PLCXD3: variants seen among roughly 807,000 people sequenced by gnomAD.
PLCXD3 encodes the protein phosphatidylinositol specific phospholipase C X domain containing 3, also known as PI-PLC X domain-containing protein 3.
In PLCXD3, 19 loss-of-function variants were observed where a neutral mutation model predicts 25.5. That is an observed-to-expected ratio of 0.75 (90% CI 0.52 to 1.09). PLCXD3 has a LOEUF of 1.09. Ranked by LOEUF, PLCXD3 falls within the 50% of genes least tolerant of loss-of-function variation. PLCXD3 has a pLI of 0.00. For synonymous variants in PLCXD3, 174 were observed against 137.6 expected (o/e 1.26, Z -1.85); for missense variants, 411 against 388.1 (o/e 1.06, Z -0.50).
intron 1 of PLCXD3, among the ~76,000 whole-genome samples, chr5:41,394,735 T>C (rs984608318): frequency 7.9e-5 from 12 of 152,184 alleles, no homozygotes; most frequent in Non-Finnish European, 1.3e-4. Flanking sequence ...CACTATATAA[T>C]GATAAAAGTA....
intron 1 of PLCXD3, among the ~76,000 whole-genome samples, chr5:41,479,855 T>C (rs1220654069): frequency 6.6e-6 from 1 of 152,206 alleles, no homozygotes; most frequent in Non-Finnish European, 1.5e-5. Flanking sequence ...ATAGGTTCAT[T>C]ACATATAAGT....
rs146230840 is a variant in PLCXD3, at chr5:41,429,628, G to T, written c.104-47094C>A. ...TATTAATATGATTTCAAATAAAAAG[G>T]CACAGTTGGTTTATTGGAAATGGAT... On this transcript the variant is annotated intron_variant, in intron 1 of 2. Coordinates refer to ENST00000377801, the MANE Select transcript of PLCXD3 (RefSeq NM_001005473.3). Among the ~76,000 whole-genome samples, 296 of 152,186 alleles carry T rather than the reference G, an allele frequency of 1.9e-3. 3 individuals are homozygous for T. The highest frequency in any genetic ancestry group is 0.014 in the East Asian group (70 of 5,168).
At chr5:41,381,318 A>G (rs319012) in intron 2 of PLCXD3, among the ~76,000 whole-genome samples, 27,134 of 152,094 alleles carry the variant, frequency 0.18, 3,437 homozygotes, top group African/African-American at 0.36. Flanking sequence ...TGGTCCACAA[A>G]AATACACGTT....
At chr5:41,354,040 T>C (rs543529925) in intron 2 of PLCXD3, among the ~76,000 whole-genome samples, 5 of 152,346 alleles carry the variant, frequency 3.3e-5, no homozygotes, top group Non-Finnish European at 7.3e-5. Context: ...TTCTATTTTC[T>C]TCCAACTTTT....
chr5:41,498,611 C>T (rs1346908082), intron 1 of PLCXD3, among the ~76,000 whole-genome samples: 4 of 151,650 alleles, frequency 2.6e-5, no homozygotes, highest in African/African-American at 9.7e-5. Context: ...TCACACTCTT[C>T]CAAAAAAACT....
chr5:41,421,911 T>C (rs1386705339), intron 1 of PLCXD3, among the ~76,000 whole-genome samples: 1 of 152,182 alleles, frequency 6.6e-6, no homozygotes, highest in Non-Finnish European at 1.5e-5. Context: ...ACAAGCATTA[T>C]GTAACAACAT....
intron 2 of PLCXD3, among the ~76,000 whole-genome samples, chr5:41,368,230 T>C (rs1744992917): frequency 6.6e-6 from 1 of 152,202 alleles, no homozygotes; most frequent in Non-Finnish European, 1.5e-5. Flanking sequence ...CAATTATGAA[T>C]GGTAGTTCAT....
intron 1 of PLCXD3, among the ~76,000 whole-genome samples, chr5:41,503,956 G>A (rs1351986838): frequency 1.3e-5 from 2 of 150,906 alleles, no homozygotes; most frequent in African/African-American, 4.9e-5. Context: ...TTAAGCAACA[G>A]GAATTAAAAT....
intron 2 of PLCXD3, among the ~76,000 whole-genome samples, chr5:41,326,580 T>C (rs1344074166): frequency 6.6e-6 from 1 of 152,178 alleles, no homozygotes; most frequent in African/African-American, 2.4e-5. Context: ...TGCAGTTTCA[T>C]GCTTATGTAT....
chr5:41,335,665 C>T (rs1474503437), intron 2 of PLCXD3, among the ~76,000 whole-genome samples: 1 of 152,096 alleles, frequency 6.6e-6, no homozygotes, highest in Non-Finnish European at 1.5e-5. Flanking sequence ...TGCTGGTCTC[C>T]ATGGCATTCA....
At chr5:41,465,519 C>T (rs1398065993) in intron 1 of PLCXD3, among the ~76,000 whole-genome samples, 1 of 151,688 alleles carries the variant, frequency 6.6e-6, no homozygotes, top group Non-Finnish European at 1.5e-5. Context: ...AGCATGTGCT[C>T]AATGTTCAAT....
chr5:41,401,529 T>C (rs769930953), intron 1 of PLCXD3, among the ~76,000 whole-genome samples: 19 of 152,086 alleles, frequency 1.2e-4, no homozygotes, highest in Admixed American at 5.9e-4. Flanking sequence ...AGCTCTGGAA[T>C]ATCTAATTAG....
At chr5:41,483,639 G>T (rs1003173655) in intron 1 of PLCXD3, among the ~76,000 whole-genome samples, 1 of 151,976 alleles carries the variant, frequency 6.6e-6, no homozygotes, top group Non-Finnish European at 1.5e-5. Flanking sequence ...GACAGTGATG[G>T]CTGTACAACA....
At chr5:41,432,717 C>T (rs1342118663) in intron 1 of PLCXD3, among the ~76,000 whole-genome samples, 1 of 152,068 alleles carries the variant, frequency 6.6e-6, no homozygotes, top group African/African-American at 2.4e-5. Context: ...TAAATAGGAG[C>T]AAGAACATTC....
chr5:41,446,193 AAAAAAAAAG>A (rs1747497282), intron 1 of PLCXD3, among the ~76,000 whole-genome samples: 1 of 148,822 alleles, frequency 6.7e-6, no homozygotes, highest in Non-Finnish European at 1.5e-5. Context: ...AAAAAAAAAA[AAAAAAAAAG>A]AACAACGAGA....
chr5:41,320,573 T>TCCACCTTG (rs1743438031), intron 2 of PLCXD3, among the ~76,000 whole-genome samples: 1 of 152,228 alleles, frequency 6.6e-6, no homozygotes, highest in Non-Finnish European at 1.5e-5. Flanking sequence ...CTTGGCTCAC[T>TCCACCTTG]GCAAGCTCCA....
chr5:41,455,817 GC>G (rs1747739899), intron 1 of PLCXD3, among the ~76,000 whole-genome samples: 1 of 151,988 alleles, frequency 6.6e-6, no homozygotes, highest in Non-Finnish European at 1.5e-5. Flanking sequence ...CCTGTAATAA[GC>G]CCAAGAGGAA....
intron 1 of PLCXD3, among the ~76,000 whole-genome samples, chr5:41,467,715 C>T (rs547865112): frequency 4.6e-5 from 7 of 152,022 alleles, no homozygotes; most frequent in African/African-American, 1.7e-4. Flanking sequence ...GTCTTTAATC[C>T]ATTTTGATTG....
chr5:41,454,997 G>A (rs1055365429), intron 1 of PLCXD3, among the ~76,000 whole-genome samples: 4 of 151,778 alleles, frequency 2.6e-5, no homozygotes, highest in Non-Finnish European at 5.9e-5. Context: ...TGAGCAAAGG[G>A]AAAAGCCCCT....
Sources: gnomAD v4.1 joint callset for allele counts (sites outside exome capture counted in the v4.1 genomes callset) on GRCh38, gnomAD v4.1.1 for gene constraint, MANE v1.5 for transcripts, NCBI Gene and HGNC (gene_info 2026-07-23, HGNC 2026-07-21) for gene names.